The following TACR1 variants were observed in gnomAD, a reference collection of about 807,000 sequenced individuals.
TACR1 encodes the protein substance-P receptor.
TACR1 carries 25 observed loss-of-function variants against 35.8 expected under a neutral mutation model. The ratio of observed to expected loss-of-function variants is 0.70; its 90% CI spans 0.51 to 0.98. The LOEUF is 0.98. Among genes scored for constraint, TACR1 ranks in the 50% least tolerant of loss-of-function variants. The pLI is 0.00. For synonymous variants in TACR1, 195 were observed against 206.7 expected, an observed-to-expected ratio of 0.94 and a Z score of 0.48; for missense variants, 478 against 522.9, an observed-to-expected ratio of 0.91 and a Z score of 0.84.
chr2:75,086,710 A>T (rs1673195530), intron 2 of TACR1, among the ~76,000 whole-genome samples: 2 of 152,196 alleles, frequency 1.3e-5, no homozygotes, highest in African/African-American at 4.8e-5. Context: ...AATAAAAGGG[A>T]CTAAATTATT....
In TACR1 at chr2:75,056,019, G is replaced by T. The variant is rs372562906; in HGVS notation, c.585-2264C>A. Among the ~76,000 whole-genome samples the T allele has an allele frequency of 2.0e-5, 3 of 152,320 alleles. No individual in the cohort carries two copies. The East Asian group carries it at 5.8e-4, about 29-fold the overall frequency. ...AGTGCCCAAAGGTATTCATTCAATT[G>T]ACTTGAGGTTGGGAGCAGGAAATTA... On this transcript the variant is annotated intron_variant, in intron 2 of 4. Coordinates refer to ENST00000305249, the MANE Select transcript of TACR1 (RefSeq NM_001058.4).
chr2:75,050,971 C>T (rs1000906128), intron 4 of TACR1: 13 of 451,198 alleles, frequency 2.9e-5, no homozygotes, highest in Non-Finnish European at 3.7e-5. Flanking sequence ...TTTAATTCCC[C>T]CACTAGCTGC....
At position 75,120,596 on chromosome 2, in the gene TACR1, G is replaced by A; in HGVS notation, c.562C>T (p.Pro188Ser). ...VVCMIEWPEH[P>S]NKIYEKVYHI... ...CACACTTTCTCATAAATCTTGTTCG[G>A]ATGCTCTGGCCATTCGATCATGCAC... Residue 188 changes from proline (P) to serine (S), a missense_variant, in exon 2 of 5, where the codon CCG (proline) becomes TCG (serine). Pro to Ser is a moderately conservative substitution (Grantham distance 74, BLOSUM62 -1). Coordinates refer to ENST00000305249, the MANE Select transcript of TACR1 (RefSeq NM_001058.4). The A allele has an allele frequency of 6.2e-7, 1 of 1,605,578 alleles. No individual in the cohort carries two copies.
At chr2:75,096,831 C>A (rs1456584835) in intron 2 of TACR1, among the ~76,000 whole-genome samples, 1 of 152,202 alleles carries the variant, frequency 6.6e-6, no homozygotes, top group East Asian at 1.9e-4. Flanking sequence ...CACATCCACT[C>A]ATTCTTCTCT....
chr2:75,198,511 G>C (rs1388118986), intron 1 of TACR1, 35 bp downstream of exon 1: 1 of 1,600,682 alleles, frequency 6.2e-7, no homozygotes, highest in African/African-American at 1.3e-5. Context: ...TCCTCTATGA[G>C]CACTTTCTCG....
At chr2:75,082,248 A>T (rs1673102554) in intron 2 of TACR1, among the ~76,000 whole-genome samples, 1 of 151,974 alleles carries the variant, frequency 6.6e-6, no homozygotes, top group Non-Finnish European at 1.5e-5. Context: ...AAGGACATGA[A>T]CTCATCCTTT....
At chr2:75,101,866 C>T (rs1229347030) in intron 2 of TACR1, among the ~76,000 whole-genome samples, 1 of 152,062 alleles carries the variant, frequency 6.6e-6, no homozygotes, top group Non-Finnish European at 1.5e-5. Context: ...ATTGCTTGAA[C>T]CCTGGAGGTG....
intron 1 of TACR1, among the ~76,000 whole-genome samples, chr2:75,140,691 G>C (rs914802243): frequency 1.3e-5 from 2 of 152,250 alleles, no homozygotes; most frequent in African/African-American, 4.8e-5. Context: ...ATGCTGCCCA[G>C]TGGCTTTATA....
chr2:75,121,976 A>G (rs1673978934), intron 1 of TACR1, among the ~76,000 whole-genome samples: 1 of 152,186 alleles, frequency 6.6e-6, no homozygotes, highest in Non-Finnish European at 1.5e-5. Context: ...CTAGACCAGA[A>G]TTAGGACCAG....
At chr2:75,081,823 CTT>C (rs948285669) in intron 2 of TACR1, among the ~76,000 whole-genome samples, 1 of 151,636 alleles carries the variant, frequency 6.6e-6, no homozygotes, top group African/African-American at 2.4e-5. Flanking sequence ...AGACTCTGCT[CTT>C]GTTTCTGACT....
intron 2 of TACR1, among the ~76,000 whole-genome samples, chr2:75,100,017 T>C (rs1416564560): frequency 2.6e-5 from 4 of 152,186 alleles, no homozygotes; most frequent in African/African-American, 9.7e-5. Context: ...CCTACAATAC[T>C]CTTTATGATT....
intron 1 of TACR1, among the ~76,000 whole-genome samples, chr2:75,123,304 T>G (rs1221435470): frequency 6.6e-6 from 1 of 152,202 alleles, no homozygotes; most frequent in Non-Finnish European, 1.5e-5. Context: ...CTTTTAATAT[T>G]ACCTCAAATG....
At chr2:75,090,646 T>C (rs1038717112) in intron 2 of TACR1, among the ~76,000 whole-genome samples, 8 of 152,260 alleles carry the variant, frequency 5.3e-5, no homozygotes, top group African/African-American at 1.7e-4. Context: ...AAATGTCAGC[T>C]AGTAGTTGTT....
At chr2:75,154,406 G>GCGCACA (rs1264139655) in intron 1 of TACR1, 1 of 78,514 alleles carries the variant, frequency 1.3e-5, no homozygotes, top group African/African-American at 6.4e-5. Flanking sequence ...CCAAGAGCGC[G>GCGCACA]CACGCACACA....
At chr2:75,159,189 G>A (rs1366381856) in intron 1 of TACR1, among the ~76,000 whole-genome samples, 1 of 151,896 alleles carries the variant, frequency 6.6e-6, no homozygotes, top group Non-Finnish European at 1.5e-5. Context: ...GGTTCAGAAA[G>A]TATATCCTGA....
At position 75,140,233 on chromosome 2, in the gene TACR1, A is replaced by C. The variant is rs550045989; in HGVS notation, c.390-19465T>G. On this transcript the variant is annotated intron_variant, in intron 1 of 4. Transcript: ENST00000305249. ...TTTTTAGGGGTAGGAGGCTGGGTGG[A>C]TGTAAGTACACACCTTTTCCCACTC... is the stretch of plus-strand genomic sequence containing the variant. 1.8e-3 allele frequency among the ~76,000 whole-genome samples: 273 copies of C among 152,212 alleles called. 1 individual carries two copies. The highest frequency in any genetic ancestry group is 6.2e-3 in the African/African-American group (257 of 41,548).
intron 2 of TACR1, among the ~76,000 whole-genome samples, chr2:75,117,306 G>T (rs1479127940): frequency 1.3e-5 from 2 of 152,202 alleles, no homozygotes; most frequent in African/African-American, 4.8e-5. Flanking sequence ...GAATGATCAT[G>T]GTTGAAGGTC....
Position 75,129,593 on chromosome 2 carries a change from G to A in TACR1, c.390-8825C>T, listed in dbSNP as rs181664810. 8.5e-5 allele frequency among the ~76,000 whole-genome samples: 13 copies of A among 152,194 alleles called. No homozygotes were observed. In the East Asian group the frequency reaches 2.5e-3, roughly 29 times the overall value. On this transcript the variant is annotated intron_variant, in intron 1 of 4. Coordinates refer to ENST00000305249, the MANE Select transcript of TACR1 (RefSeq NM_001058.4). ...TATAGATGTATCAAAATATCACACTGTACCTCACAACTATGTACAATTATT... is the reference window on the plus strand; with the variant it reads ...TATAGATGTATCAAAATATCACACTATACCTCACAACTATGTACAATTATT...
In TACR1 at chr2:75,053,768, A is replaced by G; in HGVS notation, c.585-13T>C. The G allele has an allele frequency of 6.2e-7, 1 of 1,614,172 alleles. No homozygotes were observed. The highest frequency in any genetic ancestry group is 8.5e-7 in the Non-Finnish European group (1 of 1,180,010). On this transcript the variant is annotated splice_polypyrimidine_tract_variant and intron_variant, in intron 2 of 4. Coordinates refer to ENST00000305249, the MANE Select transcript of TACR1 (RefSeq NM_001058.4). ...ACAGATGTGGTACCTACAGCAAGGT[A>G]AACAGGAAAGGTCAGTATGATATAC...
Sources: gnomAD v4.1 joint callset for allele counts (sites outside exome capture counted in the v4.1 genomes callset) on GRCh38, gnomAD v4.1.1 for gene constraint, MANE v1.5 for transcripts, NCBI Gene and HGNC (gene_info 2026-07-23, HGNC 2026-07-21) for gene names.